Variants in NTNG1 observed in about 807,000 individuals in gnomAD.
NTNG1 encodes the protein netrin G1, also known as netrin-G1.
Under a neutral mutation model 54.0 loss-of-function variants are expected in NTNG1, and 16 were observed. The ratio of observed to expected loss-of-function variants is 0.30; its 90% CI spans 0.20 to 0.45. The LOEUF (loss-of-function observed/expected upper bound fraction) is 0.45, where lower values mean the gene tolerates loss of function less well. NTNG1 is among the 20% of genes least tolerant of loss of function. The pLI, the probability that NTNG1 is intolerant of heterozygous loss-of-function variation, is 1.00. For missense variants in NTNG1, 530 were observed against 678.7 expected (o/e 0.78, Z 2.43); for synonymous variants, 255 against 263.1 (o/e 0.97, Z 0.30).
intron 3 of NTNG1, among the ~76,000 whole-genome samples, chr1:107,326,251 G>A (rs771530556): frequency 1.2e-4 from 18 of 152,098 alleles, no homozygotes; most frequent in Non-Finnish European, 2.4e-4. Flanking sequence ...CTTTATCTGC[G>A]AAGCTTTTCC....
At chr1:107,296,239 C>G (rs916349183) in intron 2 of NTNG1, among the ~76,000 whole-genome samples, 1 of 152,056 alleles carries the variant, frequency 6.6e-6, no homozygotes, top group South Asian at 2.1e-4. Flanking sequence ...TAATTCTCCA[C>G]CTGGATGAAT....
intron 3 of NTNG1, among the ~76,000 whole-genome samples, chr1:107,361,391 A>ATATATATTTTT (rs370815306): frequency 6.8e-5 from 6 of 87,996 alleles, no homozygotes; most frequent in Non-Finnish European, 1.1e-4. Flanking sequence ...ATATATATAT[A>ATATATATTTTT]TTTTTTTTTT....
intron 7 of NTNG1, among the ~76,000 whole-genome samples, chr1:107,442,855 G>A (rs1676055995): frequency 6.6e-6 from 1 of 151,996 alleles, no homozygotes; most frequent in South Asian, 2.1e-4. Context: ...GTGTTTGGAG[G>A]GCTAACAAGT....
intron 2 of NTNG1, among the ~76,000 whole-genome samples, chr1:107,161,525 A>G (rs1347760758): frequency 1.3e-5 from 2 of 151,806 alleles, no homozygotes; most frequent in African/African-American, 2.4e-5. Context: ...GCCAGGTGTA[A>G]TGGTGTGCAC....
chr1:107,141,732 T>C (rs1313236728), intron 1 of NTNG1, among the ~76,000 whole-genome samples: 1 of 152,092 alleles, frequency 6.6e-6, no homozygotes, highest in African/African-American at 2.4e-5. Context: ...TCTTGTTGTG[T>C]CCGGAGCCCA....
chr1:107,464,313 C>T, intron 7 of NTNG1, among the ~76,000 whole-genome samples: 1 of 152,244 alleles, frequency 6.6e-6, no homozygotes, highest in Non-Finnish European at 1.5e-5. Flanking sequence ...TCAGTCACAT[C>T]GTTAGCACAA....
chr1:107,156,333 A>G (rs1047040257), intron 2 of NTNG1, among the ~76,000 whole-genome samples: 11 of 152,180 alleles, frequency 7.2e-5, no homozygotes, highest in Non-Finnish European at 1.2e-4. Context: ...TAGACTATAT[A>G]TGAGAATTTT....
chr1:107,383,867 A>G (rs1478210021), intron 3 of NTNG1, among the ~76,000 whole-genome samples: 1 of 152,254 alleles, frequency 6.6e-6, no homozygotes, highest in Non-Finnish European at 1.5e-5. Flanking sequence ...AGAATATAAA[A>G]GTTTGCCACA....
rs529527194 is a variant in NTNG1, at chr1:107,403,024, G to T, written c.1061-4658G>T. On this transcript the variant is annotated intron_variant, in intron 4 of 7. Transcript: ENST00000370068. ...ACTGTATTAATCAGCTTCTGAAGAG[G>T]AGGGTATTTATTTTTGAAATCATCA... Among the ~76,000 whole-genome samples the T allele has an allele frequency of 6.6e-4, 101 of 152,230 alleles. 1 individual carries two copies. The highest frequency in any genetic ancestry group is 2.3e-3 in the African/African-American group (97 of 41,544).
intron 2 of NTNG1, among the ~76,000 whole-genome samples, chr1:107,307,942 A>G (rs17018740): frequency 0.035 from 5,324 of 151,986 alleles, 308 homozygotes; most frequent in African/African-American, 0.12. Flanking sequence ...CCTCTTGTCA[A>G]AAATATTGTT....
At chr1:107,199,892 T>A (rs74108090) in intron 2 of NTNG1, among the ~76,000 whole-genome samples, 6,810 of 151,944 alleles carry the variant, frequency 0.045, 490 homozygotes, top group African/African-American at 0.15. Flanking sequence ...TTTGTGATAA[T>A]CCTTTTTATC....
At chr1:107,169,197 G>C (rs1656035551) in intron 2 of NTNG1, among the ~76,000 whole-genome samples, 1 of 152,126 alleles carries the variant, frequency 6.6e-6, no homozygotes, top group Non-Finnish European at 1.5e-5. Flanking sequence ...GGCCACCTGG[G>C]AGAAGTCAAA....
intron 5 of NTNG1, among the ~76,000 whole-genome samples, chr1:107,429,374 G>T (rs1440587343): frequency 1.3e-5 from 2 of 151,970 alleles, no homozygotes; most frequent in Non-Finnish European, 2.9e-5. Flanking sequence ...TTAAAAGTTA[G>T]CCACCTCTTA....
intron 5 of NTNG1, among the ~76,000 whole-genome samples, chr1:107,419,927 A>T (rs1192743430): frequency 6.6e-6 from 1 of 152,102 alleles, no homozygotes; most frequent in Non-Finnish European, 1.5e-5. Flanking sequence ...GCATACATAT[A>T]TGAAAGAAGA....
chr1:107,180,011 T>G (rs753412524), intron 2 of NTNG1, among the ~76,000 whole-genome samples: 15 of 152,256 alleles, frequency 9.9e-5, no homozygotes, highest in Middle Eastern at 6.8e-3. Flanking sequence ...TTTGCCCAAT[T>G]AACTCAAGGC....
At chr1:107,341,236 C>G (rs987035315) in intron 3 of NTNG1, among the ~76,000 whole-genome samples, 1 of 152,108 alleles carries the variant, frequency 6.6e-6, no homozygotes, top group Non-Finnish European at 1.5e-5. Flanking sequence ...TCTTCCTCTA[C>G]TAACTCTTTC....
intron 7 of NTNG1, among the ~76,000 whole-genome samples, chr1:107,456,965 T>C (rs1157183854): frequency 6.6e-6 from 1 of 152,254 alleles, no homozygotes; most frequent in African/African-American, 2.4e-5. Context: ...ATAATTCTTC[T>C]GCAGAAATGA....
chr1:107,445,501 A>G (rs1206219057), intron 7 of NTNG1, among the ~76,000 whole-genome samples: 2 of 152,088 alleles, frequency 1.3e-5, no homozygotes, highest in South Asian at 2.1e-4. Flanking sequence ...ATTCCACAGG[A>G]GAAGATTATT....
intron 3 of NTNG1, among the ~76,000 whole-genome samples, chr1:107,327,655 T>C (rs1668042213): frequency 1.3e-5 from 2 of 151,930 alleles, no homozygotes; most frequent in African/African-American, 4.8e-5. Context: ...TGCCTTTACA[T>C]GTCTATATCT....
Sources: allele counts gnomAD v4.1 joint callset (sites outside exome capture counted in the v4.1 genomes callset), GRCh38; gene constraint gnomAD v4.1.1; transcripts MANE v1.5; gene names NCBI Gene and HGNC (gene_info 2026-07-23, HGNC 2026-07-21).